Variants in SLC8A1 observed in about 807,000 individuals in gnomAD.
The protein encoded by SLC8A1 is sodium/calcium exchanger 1.
SLC8A1 carries 18 observed loss-of-function variants against 68.3 expected under a neutral mutation model. The ratio of observed to expected loss-of-function variants is 0.26; its 90% CI spans 0.18 to 0.39. The LOEUF (loss-of-function observed/expected upper bound fraction) is 0.39, where lower values mean the gene tolerates loss of function less well. SLC8A1 is among the 10% of genes least tolerant of loss of function. The pLI is 1.00. For synonymous variants in SLC8A1, 475 were observed against 415.5 expected, an observed-to-expected ratio of 1.14 and a Z score of -1.74; for missense variants, 985 against 1,156.7, an observed-to-expected ratio of 0.85 and a Z score of 2.15.
intron 2 of SLC8A1, among the ~76,000 whole-genome samples, chr2:40,326,985 A>C (rs2075896611): frequency 6.6e-6 from 1 of 152,248 alleles, no homozygotes; most frequent in South Asian, 2.1e-4. Context: ...TAGGTCCTCC[A>C]TAGGAAACAA....
intron 2 of SLC8A1, among the ~76,000 whole-genome samples, chr2:40,196,820 A>ATGAAAGCAAAAGGTAGTTC (rs1254576587): frequency 6.6e-6 from 1 of 152,028 alleles, no homozygotes; most frequent in African/African-American, 2.4e-5. Flanking sequence ...TATTCAGGGG[A>ATGAAAGCAAAAGGTAGTTC]TGAAAGCAAA....
In SLC8A1 at chr2:40,288,834, CATATATAT is replaced by C. The variant is rs145077257; in HGVS notation, c.1809-110987_1809-110980del. ...TTCGAAAATGTCTCTACTAAGTAATCATATATATATATATATATGTATATATATGATTT... is the reference window on the plus strand; with the variant it reads ...TTCGAAAATGTCTCTACTAAGTAATCATATATATATGTATATATATGATTT... On this transcript the variant is annotated intron_variant, in intron 2 of 7. Transcript: ENST00000406785. 3.0e-5 allele frequency among the ~76,000 whole-genome samples: 4 copies of C among 132,684 alleles called. 1 individual carries two copies. The highest frequency in any genetic ancestry group is 1.4e-4 in the African/African-American group (4 of 29,362). 87.0% of individuals were successfully genotyped at this position (132,684 alleles called of 152,430 possible).
chr2:40,505,651 C>A (rs1252028659), intron 1 of SLC8A1, among the ~76,000 whole-genome samples: 1 of 151,860 alleles, frequency 6.6e-6, no homozygotes, highest in Non-Finnish European at 1.5e-5. Context: ...CAAAGGGGAG[C>A]AGTTGATTTG....
At position 40,258,062 on chromosome 2, in the gene SLC8A1, T is replaced by C. The variant is rs34681150; in HGVS notation, c.1809-80207A>G. Among the ~76,000 whole-genome samples, 1,087 of 152,192 alleles carry C rather than the reference T, an allele frequency of 7.1e-3. 4 individuals carry two copies. The highest frequency in any genetic ancestry group is 0.012 in the Non-Finnish European group (800 of 68,004). On this transcript the variant is annotated intron_variant, in intron 2 of 7. Coordinates refer to ENST00000406785, the Ensembl canonical transcript of SLC8A1. The stretch of plus-strand genomic sequence containing the variant: ...ATTAAGCAAACAGAATGCCAAACAA[T>C]TGTAAGAAAAGCTGTCAAACATTTT...
At chr2:40,419,103 G>C (rs1048536329) in intron 2 of SLC8A1, among the ~76,000 whole-genome samples, 2 of 152,214 alleles carry the variant, frequency 1.3e-5, no homozygotes, top group Non-Finnish European at 2.9e-5. Flanking sequence ...TTCTATGGCA[G>C]AGGCTATGTC....
At chr2:40,192,848 T>C (rs2052148699) in intron 2 of SLC8A1, among the ~76,000 whole-genome samples, 1 of 152,134 alleles carries the variant, frequency 6.6e-6, no homozygotes, top group Non-Finnish European at 1.5e-5. Context: ...GATTCAAAGT[T>C]TGGTGAGACT....
intron 2 of SLC8A1, among the ~76,000 whole-genome samples, chr2:40,324,480 A>C (rs771764456): frequency 2.6e-5 from 4 of 152,170 alleles, no homozygotes; most frequent in Non-Finnish European, 5.9e-5. Flanking sequence ...TTCCTAACTC[A>C]GAAGTATTCT....
intron 1 of SLC8A1, among the ~76,000 whole-genome samples, chr2:40,461,296 G>T (rs548969244): frequency 6.6e-6 from 1 of 152,242 alleles, no homozygotes; most frequent in African/African-American, 2.4e-5. Flanking sequence ...ATGATGAATG[G>T]TAGCAATAAA....
At chr2:40,364,192 T>C (rs545739304) in intron 2 of SLC8A1, among the ~76,000 whole-genome samples, 12 of 152,172 alleles carry the variant, frequency 7.9e-5, no homozygotes, top group African/African-American at 2.9e-4. Context: ...AAACAAAACA[T>C]ATAAAAACAT....
At chr2:40,501,751 T>C (rs1456161882) in intron 1 of SLC8A1, among the ~76,000 whole-genome samples, 1 of 152,030 alleles carries the variant, frequency 6.6e-6, no homozygotes, top group Non-Finnish European at 1.5e-5. Flanking sequence ...CTTGCCCACG[T>C]AGTAGGGATC....
intron 2 of SLC8A1, among the ~76,000 whole-genome samples, chr2:40,394,328 G>T (rs1686235240): frequency 6.6e-6 from 1 of 152,018 alleles, no homozygotes; most frequent in African/African-American, 2.4e-5. Context: ...GGGTATTTCT[G>T]CCCAATAAGC....
chr2:40,333,654 G>A (rs973743823), intron 2 of SLC8A1, among the ~76,000 whole-genome samples: 1 of 151,774 alleles, frequency 6.6e-6, no homozygotes, highest in Admixed American at 6.6e-5. Flanking sequence ...GTATAAACAA[G>A]AATAAATAAA....
At position 40,427,262 on chromosome 2, in the gene SLC8A1, T is replaced by TC. The variant is rs1438837686; in HGVS notation, c.1808+1210dup. ...AAATCTGTTCTCTCTGCCCATCCCC[T>TC]CCCCCTTTTTGGTTTGTTTTCTCTC... On this transcript the variant is annotated intron_variant, in intron 2 of 7. Transcript: ENST00000406785. Among the ~76,000 whole-genome samples the TC allele has an allele frequency of 2.6e-5, 4 of 151,942 alleles. No individual in the cohort carries two copies. The South Asian group carries it at 8.3e-4, about 32-fold the overall frequency.
intron 1 of SLC8A1, among the ~76,000 whole-genome samples, chr2:40,463,887 C>CACATAT (rs796954298): frequency 1.5e-4 from 16 of 108,626 alleles, no homozygotes; most frequent in Non-Finnish European, 2.7e-4. Context: ...CACACACACA[C>CACATAT]ATATATATAT....
chr2:40,351,797 G>C (rs373183327), intron 2 of SLC8A1, among the ~76,000 whole-genome samples: 4 of 152,230 alleles, frequency 2.6e-5, no homozygotes, highest in African/African-American at 9.6e-5. Flanking sequence ...TGAGGTTGTA[G>C]AGATGGTAGG....
intron 2 of SLC8A1, among the ~76,000 whole-genome samples, chr2:40,307,744 T>G (rs2072930993): frequency 6.6e-6 from 1 of 151,944 alleles, no homozygotes; most frequent in South Asian, 2.1e-4. Flanking sequence ...GAACCAAGAG[T>G]GCAAGTGTCC....
intron 2 of SLC8A1, among the ~76,000 whole-genome samples, chr2:40,234,701 GT>G (rs1419165012): frequency 6.6e-6 from 1 of 152,168 alleles, no homozygotes; most frequent in African/African-American, 2.4e-5. Flanking sequence ...AATGCTTCCA[GT>G]TTTTGCCCAT....
At chr2:40,491,181 C>G (rs1418201450) in intron 1 of SLC8A1, among the ~76,000 whole-genome samples, 1 of 152,116 alleles carries the variant, frequency 6.6e-6, no homozygotes, top group Admixed American at 6.6e-5. Flanking sequence ...TTGTAGTTCT[C>G]CTTGAAAAGG....
chr2:40,414,426 G>A (rs894126529), intron 2 of SLC8A1, among the ~76,000 whole-genome samples: 4 of 152,168 alleles, frequency 2.6e-5, no homozygotes, highest in Non-Finnish European at 5.9e-5. Flanking sequence ...AGTGTTATTT[G>A]TACATCTGCT....
Sources: allele counts gnomAD v4.1 joint callset (sites outside exome capture counted in the v4.1 genomes callset), GRCh38; gene constraint gnomAD v4.1.1; transcripts MANE v1.5; gene names NCBI Gene and HGNC (gene_info 2026-07-23, HGNC 2026-07-21).